Variants in ARHGAP39 observed in about 807,000 individuals in gnomAD.
ARHGAP39 encodes the protein rho GTPase-activating protein 39.
Under a neutral mutation model 106.9 loss-of-function variants are expected in ARHGAP39, and 44 were observed. The ratio of observed to expected loss-of-function variants is 0.41; its 90% CI spans 0.32 to 0.53. The LOEUF (loss-of-function observed/expected upper bound fraction) is 0.53, where lower values mean the gene tolerates loss of function less well. ARHGAP39 is among the 20% of genes least tolerant of loss of function. The pLI is 0.21. For missense variants in ARHGAP39, 1,496 were observed against 1,577.3 expected (o/e 0.95, Z 0.87); for synonymous variants, 768 against 693.2 (o/e 1.11, Z -1.69).
At chr8:144,668,922 C>T (rs1822027752) in intron 1 of ARHGAP39, among the ~76,000 whole-genome samples, 1 of 152,174 alleles carries the variant, frequency 6.6e-6, no homozygotes, top group African/African-American at 2.4e-5. Flanking sequence ...AAACTTCTCA[C>T]AAAGCTACCA....
At chr8:144,686,519 C>T (rs1175019627), upstream of ARHGAP39, among the ~76,000 whole-genome samples, 2 of 152,180 alleles carry the variant, frequency 1.3e-5, no homozygotes, top group Admixed American at 6.5e-5. Context: ...GGGCGCACAC[C>T]CTTCAGTCCT....
At chr8:144,598,159 G>T (rs1683685847) in intron 2 of ARHGAP39, among the ~76,000 whole-genome samples, 1 of 152,228 alleles carries the variant, frequency 6.6e-6, no homozygotes, top group South Asian at 2.1e-4. Context: ...ACACCTGCGG[G>T]GCCCTTTCCG....
At chr8:144,696,540 G>A in the ARHGAP39 span, among the ~76,000 whole-genome samples, 2 of 152,006 alleles carry the variant, frequency 1.3e-5, no homozygotes, top group Admixed American at 6.6e-5. Flanking sequence ...GTTTTTTATA[G>A]CTTCTGAGTT....
At chr8:144,553,713 C>T (rs1817807225) in intron 4 of ARHGAP39, among the ~76,000 whole-genome samples, 1 of 152,236 alleles carries the variant, frequency 6.6e-6, no homozygotes, top group Non-Finnish European at 1.5e-5. Flanking sequence ...TGTGGAGCAG[C>T]CCCCAACCAG....
At chr8:144,627,423 T>C (rs1820950000) in intron 1 of ARHGAP39, among the ~76,000 whole-genome samples, 2 of 151,972 alleles carry the variant, frequency 1.3e-5, no homozygotes, top group Admixed American at 1.3e-4. Flanking sequence ...GGTGTGGTGG[T>C]GGGCACCTGT....
chr8:144,666,350 T>TC (rs1821962305), intron 1 of ARHGAP39, among the ~76,000 whole-genome samples: 1 of 152,104 alleles, frequency 6.6e-6, no homozygotes, highest in Non-Finnish European at 1.5e-5. Context: ...GCTAAGACTT[T>TC]GGGGGGCTGT....
At chr8:144,686,442 T>G (rs757942842), upstream of ARHGAP39, among the ~76,000 whole-genome samples, 4 of 152,210 alleles carry the variant, frequency 2.6e-5, no homozygotes, top group Admixed American at 6.5e-5. Flanking sequence ...TTCTGGAAAT[T>G]GAATCTGACT....
chr8:144,602,461 A>G (rs1586603055), intron 2 of ARHGAP39, among the ~76,000 whole-genome samples: 1 of 115,692 alleles, frequency 8.6e-6, no homozygotes, highest in South Asian at 2.9e-4. Context: ...GAGCTCGTGT[A>G]CCTGTGCATG....
At position 144,591,367 on chromosome 8, in the gene ARHGAP39, C is replaced by T. The variant is rs111366901; in HGVS notation, c.81-10090G>A. ...CAAGGAAACCCCAAGAAGGCACCTG[C>T]AAGCAGACATCTGCAGGAAACTTGT... is the stretch of plus-strand genomic sequence containing the variant. On this transcript the variant is annotated intron_variant, in intron 2 of 11. Coordinates refer to ENST00000377307, the MANE Select transcript of ARHGAP39 (RefSeq NM_025251.3). This position sits in a 1 kb window ranked among gnomAD's most constrained non-coding sequence, Gnocchi z 5.3. 1.3e-4 allele frequency among the ~76,000 whole-genome samples: 20 copies of T among 152,310 alleles called. No individual in the cohort carries two copies. The highest frequency in any genetic ancestry group is 4.3e-4 in the African/African-American group (18 of 41,574).
rs528685735 is a variant in ARHGAP39, at chr8:144,645,453, C to T, written c.-81-39758G>A. On this transcript the variant is annotated intron_variant, in intron 1 of 11. Coordinates refer to ENST00000377307, the MANE Select transcript of ARHGAP39 (RefSeq NM_025251.3). This position sits in a 1 kb window ranked among gnomAD's most constrained non-coding sequence, Gnocchi z 4.4. ...GGACTCCGTCAGGGCAGAGCCTCCC[C>T]GCCTCACTCTGGTCTCTCCCGGCAG... 1.7e-4 allele frequency among the ~76,000 whole-genome samples: 26 copies of T among 150,258 alleles called. No individual in the cohort carries two copies. The East Asian group carries it at 3.9e-3, about 23-fold the overall frequency.
In ARHGAP39 at chr8:144,561,787, G is replaced by A. The variant is rs1421699524; in HGVS notation, c.513-6144C>T. ...GGTTTCCATCGGACTTACTCCAGTG[G>A]TTTCCATCGGACCCCAGTGCTTTCC... On this transcript the variant is annotated intron_variant, in intron 3 of 11. Coordinates refer to ENST00000377307, the MANE Select transcript of ARHGAP39 (RefSeq NM_025251.3). Among the ~76,000 whole-genome samples, 4 of 146,918 alleles carry A rather than the reference G, an allele frequency of 2.7e-5. No individual in the cohort carries two copies. The East Asian group carries it at 6.0e-4, about 22-fold the overall frequency.
At chr8:144,643,929 A>G (rs1821375070) in intron 1 of ARHGAP39, among the ~76,000 whole-genome samples, 1 of 152,094 alleles carries the variant, frequency 6.6e-6, no homozygotes, top group African/African-American at 2.4e-5. Context: ...TAAAAGGGAG[A>G]AAAAAAATAA....
intron 3 of ARHGAP39, among the ~76,000 whole-genome samples, chr8:144,560,619 T>C (rs536096023): frequency 1.4e-3 from 220 of 152,298 alleles, no homozygotes; most frequent in Non-Finnish European, 2.4e-3. Context: ...CTCCTACCAT[T>C]TCTGACTCGT....
chr8:144,546,720 G>A (rs2130841250), intron 5 of ARHGAP39, among the ~76,000 whole-genome samples: 1 of 152,224 alleles, frequency 6.6e-6, no homozygotes, highest in East Asian at 1.9e-4. Context: ...GGAGCCTCGG[G>A]GACTGGCTTT....
chr8:144,611,034 G>T (rs370139540), intron 1 of ARHGAP39, among the ~76,000 whole-genome samples: 1 of 152,110 alleles, frequency 6.6e-6, no homozygotes, highest in African/African-American at 2.4e-5. Flanking sequence ...AGCCAGGCTG[G>T]TCTCAAACTC....
At chr8:144,593,036 C>A (rs1819465233) in intron 2 of ARHGAP39, among the ~76,000 whole-genome samples, 2 of 152,156 alleles carry the variant, frequency 1.3e-5, no homozygotes, top group African/African-American at 4.8e-5. Flanking sequence ...AGAAATAAGC[C>A]ATTTGGTGAC....
At chr8:144,537,660 C>G (rs944200694) in intron 7 of ARHGAP39, 61 bp downstream of exon 7, 2 of 1,484,054 alleles carry the variant, frequency 1.3e-6, no homozygotes, top group African/African-American at 1.4e-5. Flanking sequence ...GCCAGGCGGC[C>G]GAGGCTGGAG....
intron 2 of ARHGAP39, among the ~76,000 whole-genome samples, chr8:144,594,659 A>C (rs1449294256): frequency 6.6e-6 from 1 of 151,118 alleles, no homozygotes; most frequent in Non-Finnish European, 1.5e-5. Flanking sequence ...GTGCCACTGC[A>C]CTCCAGCCTG....
intron 1 of ARHGAP39, among the ~76,000 whole-genome samples, chr8:144,623,872 C>T (rs897013194): frequency 3.9e-5 from 6 of 152,190 alleles, no homozygotes; most frequent in Non-Finnish European, 8.8e-5. Flanking sequence ...GACAAAAAGC[C>T]TCCCAGAGAA....
Sources: allele counts gnomAD v4.1 joint callset (sites outside exome capture counted in the v4.1 genomes callset), GRCh38; gene constraint gnomAD v4.1.1; non-coding constraint Gnocchi (gnomAD v3.1); transcripts MANE v1.5; gene names NCBI Gene and HGNC (gene_info 2026-07-23, HGNC 2026-07-21).